HOMER2: variants seen among roughly 807,000 people sequenced by gnomAD.
HOMER2 encodes the protein homer protein homolog 2.
A neutral mutation model predicts 47.0 loss-of-function variants in HOMER2; 27 were observed. The observed-to-expected ratio is 0.57, with a 90% confidence interval of 0.42 to 0.79. The LOEUF (loss-of-function observed/expected upper bound fraction) is 0.79, where lower values mean the gene tolerates loss of function less well. HOMER2 is among the 30% of genes least tolerant of loss of function. The probability of loss-of-function intolerance (pLI) is 0.00; values close to 1 mark genes in which losing one functional copy is unlikely to be tolerated. For missense variants in HOMER2, 443 were observed against 435.0 expected (o/e 1.02, Z -0.16); for synonymous variants, 161 against 163.8 (o/e 0.98, Z 0.13).
Position 82,840,277 on chromosome 15 carries a change from G to A in HOMER2, c.*6997C>T, listed in dbSNP as rs188171992. 4.6e-5 allele frequency: 7 copies of A among 152,138 alleles called. No homozygotes were observed. In the East Asian group the frequency reaches 7.7e-4, roughly 17 times the overall value. The allele number at this position is 152,138 out of a possible 1,614,324, so 9.4% of individuals were successfully genotyped here. A position where few individuals can be genotyped will look rare whatever the true frequency, so the allele number is the denominator to read the frequency against. ...AAAAGAATCATGAAATAGTAAAACA[G>A]TAAAATTAAGATATAAATCTCAGAG... is the stretch of plus-strand genomic sequence containing the variant. On this transcript the variant is annotated 3_prime_UTR_variant, in exon 2 of 2. Coordinates refer to the HOMER2 transcript ENST00000558090.
Position 82,851,138 on chromosome 15 carries a change from C to G in HOMER2, c.843+13G>C. 1.3e-6 allele frequency: 2 copies of G among 1,563,014 alleles called. No individual in the cohort carries two copies. The highest frequency in any genetic ancestry group is 1.7e-6 in the Non-Finnish European group (2 of 1,147,322). On this transcript the variant is annotated intron_variant, in intron 8 of 8. Transcript: ENST00000450735. The stretch of plus-strand genomic sequence containing the variant: ...TGTCTGAGCCAGGATGGCTGTGCCC[C>G]CAACCCACGTACCTCTAGCTTCTCA...
At chr15:82,878,813 A>G (rs1296693721) in intron 2 of HOMER2, among the ~76,000 whole-genome samples, 2 of 152,222 alleles carry the variant, frequency 1.3e-5, no homozygotes, top group Non-Finnish European at 2.9e-5. Context: ...TTTCTTGTAC[A>G]GATGGGGTTT....
At position 82,913,542 on chromosome 15, in the gene HOMER2, C is replaced by T. The variant is rs530794823; in HGVS notation, c.6-20701G>A. 6.6e-6 allele frequency among the ~76,000 whole-genome samples: 1 copy of T among 152,318 alleles called. No individual in the cohort carries two copies. The highest frequency in any genetic ancestry group is 2.1e-4 in the South Asian group (1 of 4,830). ...CCCCCTATTTCTGCTATTGTTCTTG[C>T]TTCTGTAATTTCATCCCAACAGCAG... On this transcript the variant is annotated intron_variant, in intron 1 of 8. Transcript: ENST00000450735. This position sits in a 1 kb window ranked among gnomAD's most constrained non-coding sequence, Gnocchi z 4.1.
chr15:82,972,113 T>C (rs2030014093), intron 1 of HOMER2, among the ~76,000 whole-genome samples: 1 of 152,232 alleles, frequency 6.6e-6, no homozygotes, highest in Admixed American at 6.5e-5. Context: ...AGCACATTTA[T>C]GGAGTGTGCA....
intron 3 of HOMER2, among the ~76,000 whole-genome samples, chr15:82,870,770 T>G (rs888101207): frequency 1.3e-5 from 2 of 152,190 alleles, no homozygotes; most frequent in Non-Finnish European, 2.9e-5. Flanking sequence ...CAAATTTGAA[T>G]TACAGATGAA....
chr15:82,920,996 T>TA (rs915370654), intron 1 of HOMER2, among the ~76,000 whole-genome samples: 4 of 151,904 alleles, frequency 2.6e-5, no homozygotes, highest in East Asian at 1.9e-4. Context: ...TTAAATGGCT[T>TA]AAAAAAAATG....
chr15:82,980,946 G>A (rs762636591), intron 1 of HOMER2, among the ~76,000 whole-genome samples: 1 of 152,138 alleles, frequency 6.6e-6, no homozygotes, highest in African/African-American at 2.4e-5. Context: ...ACGCATGTCG[G>A]GGGGAAAGGA....
intron 1 of HOMER2, among the ~76,000 whole-genome samples, chr15:82,968,166 T>G (rs953101887): frequency 2.0e-5 from 3 of 152,218 alleles, no homozygotes; most frequent in African/African-American, 7.2e-5. Flanking sequence ...CTTCCCAAAG[T>G]GCTGGGATTA....
chr15:82,864,743 G>A (rs1266915471), intron 3 of HOMER2, among the ~76,000 whole-genome samples: 1 of 152,100 alleles, frequency 6.6e-6, no homozygotes, highest in African/African-American at 2.4e-5. Flanking sequence ...TGTGTATATG[G>A]GTGTTCATTA....
intron 1 of HOMER2, among the ~76,000 whole-genome samples, chr15:82,910,132 CAAAAA>C (rs35191408): frequency 5.3e-3 from 117 of 22,118 alleles, no homozygotes; most frequent in African/African-American, 0.014. Context: ...GATTCTGTCT[CAAAAA>C]AAAAAAAAAA....
At chr15:82,983,401 T>A (rs1308607437) in intron 1 of HOMER2, among the ~76,000 whole-genome samples, 1 of 152,190 alleles carries the variant, frequency 6.6e-6, no homozygotes, top group Non-Finnish European at 1.5e-5. Flanking sequence ...TTTCCTGAGA[T>A]TTAGTCTTGT....
intron 1 of HOMER2, among the ~76,000 whole-genome samples, chr15:82,932,413 T>C (rs915605369): frequency 2.6e-5 from 4 of 151,540 alleles, no homozygotes; most frequent in Non-Finnish European, 5.9e-5. Context: ...GAGAATCGCT[T>C]GAACCTGGGA....
In HOMER2 at chr15:82,919,405, GGA is replaced by G. The variant is rs2053673238; in HGVS notation, c.6-26566_6-26565del. Among the ~76,000 whole-genome samples the G allele has an allele frequency of 4.6e-5, 7 of 152,298 alleles. No homozygotes were observed. The South Asian group carries it at 1.2e-3, about 27-fold the overall frequency. ...AGCACAAACAGCTCAGCCCAGTGAG[GGA>G]GAGTCATTAGGTAAGCCATCAACCA... is the stretch of plus-strand genomic sequence containing the variant. On this transcript the variant is annotated intron_variant, in intron 1 of 8. Coordinates refer to ENST00000450735, the MANE Select transcript of HOMER2 (RefSeq NM_004839.4).
chr15:82,879,510 A>C (rs981433125), intron 2 of HOMER2, among the ~76,000 whole-genome samples: 1 of 152,250 alleles, frequency 6.6e-6, no homozygotes, highest in Admixed American at 6.5e-5. Flanking sequence ...AGAAAAAAGA[A>C]AGAAAGAAAA....
chr15:82,939,258 T>C (rs1668710226), intron 1 of HOMER2, among the ~76,000 whole-genome samples: 2 of 152,194 alleles, frequency 1.3e-5, no homozygotes, highest in South Asian at 2.1e-4. Flanking sequence ...CCTAGAAACA[T>C]ACACGTCAAT....
In HOMER2 at chr15:82,854,638, A is replaced by G; in HGVS notation, c.651+6T>C. 7 of 1,610,724 alleles carry G rather than the reference A, an allele frequency of 4.3e-6. No individual in the cohort carries two copies. Among genetic ancestry groups the G allele is most frequent in the Non-Finnish European group, 5.9e-6 (7 of 1,178,866 alleles). On this transcript the variant is annotated splice_donor_region_variant and intron_variant, in intron 6 of 8. Coordinates refer to ENST00000450735, the MANE Select transcript of HOMER2 (RefSeq NM_004839.4). The stretch of plus-strand genomic sequence containing the variant: ...CCTCGGGGCTCACTGCATCCACCGT[A>G]CCCACCTTGTTGCGGAGCCGGTCAT...
At chr15:82,836,207 A>T (rs555586808), downstream of HOMER2, 1 of 152,300 alleles carries the variant, frequency 6.6e-6, no homozygotes, top group African/African-American at 2.4e-5. Flanking sequence ...CTTGAAGTCA[A>T]TCCAGACTTT....
intron 5 of HOMER2, among the ~76,000 whole-genome samples, chr15:82,855,546 G>A (rs2051558574): frequency 6.6e-6 from 1 of 152,092 alleles, no homozygotes; most frequent in South Asian, 2.1e-4. Flanking sequence ...CAAGCAAGAA[G>A]CCAACAGCTT....
chr15:82,839,324 C>A (rs2151581551), exon 2 of HOMER2: 1 of 152,322 alleles, frequency 6.6e-6, no homozygotes, highest in East Asian at 1.9e-4. Flanking sequence ...TGCCCCAAAG[C>A]AAGAACCAGA....
Sources: allele counts gnomAD v4.1 joint callset (sites outside exome capture counted in the v4.1 genomes callset), GRCh38; gene constraint gnomAD v4.1.1; non-coding constraint Gnocchi (gnomAD v3.1); transcripts MANE v1.5; gene names NCBI Gene and HGNC (gene_info 2026-07-23, HGNC 2026-07-21).